The following ACTN1 variants were observed in gnomAD, a reference collection of about 807,000 sequenced individuals.
ACTN1 encodes the protein actinin alpha 1.
ACTN1 carries 30 observed loss-of-function variants against 119.6 expected under a neutral mutation model. The ratio of observed to expected loss-of-function variants is 0.25; its 90% confidence interval spans 0.19 to 0.34. The LOEUF (loss-of-function observed/expected upper bound fraction) is 0.34, where lower values mean the gene tolerates loss of function less well. Among genes scored for constraint, ACTN1 ranks in the 10% least tolerant of loss-of-function variants. ACTN1 has a pLI of 1.00. For synonymous variants in ACTN1, 429 were observed against 472.6 expected, an observed-to-expected ratio of 0.91 and a Z score of 1.20; for missense variants, 764 against 1,223.4, an observed-to-expected ratio of 0.62 and a Z score of 5.60.
At position 68,883,065 on chromosome 14, in the gene ACTN1, G is replaced by A; in HGVS notation, c.1636-10C>T. ...GGGCTGTGGTCAGTCCCTGGACAGA[G>A]ATGGGAATATGTGGGCAAGAGGAAC... On this transcript the variant is annotated splice_polypyrimidine_tract_variant and intron_variant, in intron 14 of 21. Coordinates refer to ENST00000394419, the MANE Select transcript of ACTN1 (RefSeq NM_001130004.2). 6.2e-7 allele frequency: 1 copy of A among 1,612,840 alleles called. No individual in the cohort carries two copies. Among genetic ancestry groups the A allele is most frequent in the Non-Finnish European group, 8.5e-7 (1 of 1,179,034 alleles).
rs200018926 is a variant in ACTN1, at chr14:68,925,541, G to A, written c.220+17C>T. 5.0e-6 allele frequency: 8 copies of A among 1,601,566 alleles called. No individual in the cohort carries two copies. Among genetic ancestry groups the A allele is most frequent in the Non-Finnish European group, 6.8e-6 (8 of 1,170,650 alleles). On this transcript the variant is annotated intron_variant, in intron 2 of 21. Transcript: ENST00000394419. This position sits in a 1 kb window ranked among gnomAD's most constrained non-coding sequence, Gnocchi z 4.3. The stretch of plus-strand genomic sequence containing the variant: ...ACCAATAGACAGTATCTCGTCCTGG[G>A]CCAGGTTCCGCCTCACCTGAGATGA...
intron 1 of ACTN1, among the ~76,000 whole-genome samples, chr14:68,972,666 G>A (rs761456836): frequency 2.0e-5 from 3 of 152,198 alleles, no homozygotes; most frequent in Non-Finnish European, 2.9e-5. Flanking sequence ...TTCTACCCAC[G>A]CAAGCATTTG....
chr14:68,946,853 A>G (rs1443004296), intron 1 of ACTN1, among the ~76,000 whole-genome samples: 2 of 152,106 alleles, frequency 1.3e-5, no homozygotes, highest in African/African-American at 2.4e-5. Context: ...TCCATGCTTT[A>G]GTGGAATGTT....
chr14:68,932,240 G>A (rs1436235942), intron 1 of ACTN1, among the ~76,000 whole-genome samples: 2 of 151,574 alleles, frequency 1.3e-5, no homozygotes, highest in Non-Finnish European at 2.9e-5. Flanking sequence ...CAGAATAAAA[G>A]CAAGCAGAAG....
chr14:68,917,058 C>T (rs1269586450), intron 3 of ACTN1, among the ~76,000 whole-genome samples: 2 of 152,224 alleles, frequency 1.3e-5, no homozygotes, highest in Non-Finnish European at 2.9e-5. Flanking sequence ...TCAGGCTCCA[C>T]CTGCCCAAAG....
chr14:68,897,097 C>T (rs984430649), intron 8 of ACTN1, among the ~76,000 whole-genome samples: 1 of 152,192 alleles, frequency 6.6e-6, no homozygotes, highest in Non-Finnish European at 1.5e-5. Context: ...ATCCTCCTGC[C>T]TCAGCCTCCC....
intron 16 of ACTN1, among the ~76,000 whole-genome samples, chr14:68,881,810 C>T (rs895062731): frequency 1.3e-5 from 2 of 152,008 alleles, no homozygotes; most frequent in African/African-American, 4.8e-5. Context: ...TTTTCTTTGG[C>T]CAGGCTCATT....
intron 1 of ACTN1, among the ~76,000 whole-genome samples, chr14:68,927,394 A>G (rs920908254): frequency 2.6e-5 from 4 of 152,202 alleles, no homozygotes; most frequent in African/African-American, 9.7e-5. Flanking sequence ...GTTCACCTTT[A>G]TATCCCAGAG....
rs1283766524 is a variant in ACTN1, at chr14:68,884,156, G to C, written c.1635+12C>G. On this transcript the variant is annotated intron_variant, in intron 14 of 21. Transcript: ENST00000394419. ...GGGGAGCCAGCCTCCGGGGAGTGGAGGTGGGGCTCACCTGGATCTCCTCAA... is the reference window on the plus strand; with the variant it reads ...GGGGAGCCAGCCTCCGGGGAGTGGACGTGGGGCTCACCTGGATCTCCTCAA... The C allele has an allele frequency of 6.2e-7, 1 of 1,607,830 alleles. No individual in the cohort carries two copies. The highest frequency in any genetic ancestry group is 8.5e-7 in the Non-Finnish European group (1 of 1,175,854).
chr14:68,880,871 T>C lies in ACTN1; in HGVS notation c.2072A>G (p.Asp691Gly). Residue 691 changes from aspartate (D) to glycine (G), a missense_variant, in exon 17 of 22, where the codon GAC becomes GGC. Asp to Gly is a moderately conservative substitution (Grantham distance 94). Around this residue, in one of 4 missense-constraint regions of ACTN1, gnomAD observed 544 missense variants for 912.0 expected, o/e 0.60. Transcript: ENST00000394419. This position sits in a 1 kb window ranked among gnomAD's most constrained non-coding sequence, Gnocchi z 4.6. Reference protein sequence around the residue: ...YKPKIDQLEGDHQLIQEALIF... With the variant: ...YKPKIDQLEGGHQLIQEALIF... ...GAGCGCCTCCTGGATGAGCTGGTGGTCGCCCTCCAGCTGATCAATCTTTGG... is the reference window on the plus strand; with the variant it reads ...GAGCGCCTCCTGGATGAGCTGGTGGCCGCCCTCCAGCTGATCAATCTTTGG... 6.2e-7 allele frequency: 1 copy of C among 1,614,044 alleles called. No individual in the cohort carries two copies.
At chr14:68,961,142 G>C (rs2036524735) in intron 1 of ACTN1, among the ~76,000 whole-genome samples, 1 of 152,186 alleles carries the variant, frequency 6.6e-6, no homozygotes, top group East Asian at 1.9e-4. Flanking sequence ...TTTTTGGAAA[G>C]AGGCAGGAAA....
intron 1 of ACTN1, among the ~76,000 whole-genome samples, chr14:68,967,465 G>T (rs2036744535): frequency 6.6e-6 from 1 of 152,276 alleles, no homozygotes; most frequent in Non-Finnish European, 1.5e-5. Context: ...ATTACTAGGG[G>T]GACCCCAGGA....
intron 8 of ACTN1, among the ~76,000 whole-genome samples, chr14:68,899,128 C>T (rs545601797): frequency 6.1e-4 from 87 of 142,796 alleles, no homozygotes; most frequent in African/African-American, 1.7e-3. Flanking sequence ...ACAACCACAC[C>T]ACACCCACAC....
rs11332256 is a variant in ACTN1, at chr14:68,960,748, T to TAA, written c.105+18202_105+18203dup. Among the ~76,000 whole-genome samples, 210 of 141,670 alleles carry TAA rather than the reference T, an allele frequency of 1.5e-3. 1 individual carries two copies. Among genetic ancestry groups the TAA allele is most frequent in the African/African-American group, 5.0e-3 (194 of 38,448 alleles). The allele number at this position is 141,670 out of a possible 152,430, so 92.9% of individuals were successfully genotyped here. ...TGACTTGACAAGAACCTATCTCTAT[T>TAA]AAAAAAAAAAAAAAAAATTAAACAA... On this transcript the variant is annotated intron_variant, in intron 1 of 21. Coordinates refer to ENST00000394419, the MANE Select transcript of ACTN1 (RefSeq NM_001130004.2).
chr14:68,960,717 T>C (rs1426765712), intron 1 of ACTN1, among the ~76,000 whole-genome samples: 1 of 148,718 alleles, frequency 6.7e-6, no homozygotes, highest in African/African-American at 2.5e-5. Flanking sequence ...TTGAGAGCAG[T>C]CCTGGTGACT....
Position 68,882,812 on chromosome 14 carries a change from T to C in ACTN1, c.1818+61A>G. 1 of 1,580,458 alleles carries C rather than the reference T, an allele frequency of 6.3e-7. No individual in the cohort carries two copies. The highest frequency in any genetic ancestry group is 8.6e-7 in the Non-Finnish European group (1 of 1,156,434). ...TGAAATTGACAAAAATCAATTAAAA[T>C]GGACAAAAATCCCTGCCTTTATGAA... On this transcript the variant is annotated intron_variant, in intron 15 of 21. Coordinates refer to ENST00000394419, the MANE Select transcript of ACTN1 (RefSeq NM_001130004.2). This position sits in a 1 kb window ranked among gnomAD's most constrained non-coding sequence, Gnocchi z 4.5.
At chr14:68,939,355 T>C (rs2035685870) in intron 1 of ACTN1, among the ~76,000 whole-genome samples, 1 of 152,228 alleles carries the variant, frequency 6.6e-6, no homozygotes, top group South Asian at 2.1e-4. Context: ...CAGCTAGCTC[T>C]GTCCAGTACT....
chr14:68,893,610 C>A, intron 9 of ACTN1, 45 bp downstream of exon 9: 1 of 1,578,342 alleles, frequency 6.3e-7, no homozygotes, highest in South Asian at 1.1e-5. Flanking sequence ...TTCTAGGGGA[C>A]TGACTCTTGC....
chr14:68,938,866 A>G (rs2035653515), intron 1 of ACTN1, among the ~76,000 whole-genome samples: 1 of 152,174 alleles, frequency 6.6e-6, no homozygotes, highest in South Asian at 2.1e-4. Context: ...CCCACTGATG[A>G]GAGAACTCTG....
Sources: gnomAD v4.1 joint callset for allele counts (sites outside exome capture counted in the v4.1 genomes callset) on GRCh38, gnomAD v4.1.1 for gene constraint, gnomAD v4.1.1 regional missense constraint, Gnocchi (gnomAD v3.1) non-coding constraint, MANE v1.5 for transcripts, NCBI Gene and HGNC (gene_info 2026-07-23, HGNC 2026-07-21) for gene names.